EYA1: variants seen among roughly 807,000 people sequenced by gnomAD.
EYA1 encodes EYA transcriptional coactivator and phosphatase 1, also known as protein phosphatase EYA1.
In EYA1, 16 loss-of-function variants were observed where a neutral mutation model predicts 82.0. The observed-to-expected ratio is 0.20, with a 90% CI of 0.13 to 0.30. The LOEUF is 0.30. Ranked by LOEUF, EYA1 falls within the 10% of genes least tolerant of loss-of-function variation. The pLI is 1.00. For missense variants in EYA1, 633 were observed against 730.7 expected, an observed-to-expected ratio of 0.87 and a Z score of 1.54; for synonymous variants, 261 against 264.4, an observed-to-expected ratio of 0.99 and a Z score of 0.12.
chr8:71,466,070 A>G (rs908566530), intron 2 of EYA1, among the ~76,000 whole-genome samples: 8 of 152,306 alleles, frequency 5.3e-5, no homozygotes, highest in African/African-American at 1.9e-4. Flanking sequence ...GCAGGAAAAT[A>G]ATTTTGTTGT....
intron 9 of EYA1, among the ~76,000 whole-genome samples, chr8:71,276,595 T>G (rs1438455910): frequency 6.6e-6 from 1 of 152,196 alleles, no homozygotes; most frequent in Non-Finnish European, 1.5e-5. Flanking sequence ...TTTTTACTCC[T>G]AAAAACTTTT....
At chr8:71,375,359 A>G (rs1363004771) in intron 2 of EYA1, among the ~76,000 whole-genome samples, 1 of 152,166 alleles carries the variant, frequency 6.6e-6, no homozygotes, top group Non-Finnish European at 1.5e-5. Context: ...TGATCCAACA[A>G]AAATCAGGAT....
At chr8:71,210,709 G>A (rs1335942804) in intron 17 of EYA1, among the ~76,000 whole-genome samples, 2 of 152,200 alleles carry the variant, frequency 1.3e-5, no homozygotes, top group Admixed American at 6.5e-5. Context: ...GTCTTCTGGG[G>A]CAGCAGATAG....
intron 2 of EYA1, among the ~76,000 whole-genome samples, chr8:71,387,420 A>G (rs1399200871): frequency 1.3e-5 from 2 of 152,202 alleles, no homozygotes; most frequent in African/African-American, 2.4e-5. Context: ...GACAGATTAT[A>G]TAGAGAGAAA....
At chr8:71,538,040 G>T (rs750976677) in intron 1 of EYA1, among the ~76,000 whole-genome samples, 3 of 152,180 alleles carry the variant, frequency 2.0e-5, no homozygotes, top group Non-Finnish European at 4.4e-5. Context: ...ACAGCGAGCC[G>T]TGGACTTTAT....
chr8:71,369,542 A>G (rs534083781), intron 2 of EYA1, among the ~76,000 whole-genome samples: 2 of 152,226 alleles, frequency 1.3e-5, no homozygotes, highest in Admixed American at 1.3e-4. Flanking sequence ...CCAAATTGGT[A>G]TGTGGATGAA....
intron 4 of EYA1, among the ~76,000 whole-genome samples, chr8:71,323,620 G>A (rs528757814): frequency 5.3e-5 from 8 of 152,316 alleles, no homozygotes; most frequent in East Asian, 1.9e-4. Context: ...CTGGCTGGCC[G>A]CTTGGCAGAG....
At chr8:71,400,536 A>C (rs556881505) in intron 2 of EYA1, among the ~76,000 whole-genome samples, 1 of 141,746 alleles carries the variant, frequency 7.1e-6, no homozygotes, top group East Asian at 2.0e-4. Flanking sequence ...ACATGAAAAA[A>C]GCACAACATC....
intron 1 of EYA1, among the ~76,000 whole-genome samples, chr8:71,537,744 T>C (rs1385719420): frequency 6.6e-6 from 1 of 152,186 alleles, no homozygotes; most frequent in Admixed American, 6.5e-5. Flanking sequence ...GTATATTTGA[T>C]ATTCCAGGAT....
At chr8:71,244,040 T>C (rs1324979031) in intron 12 of EYA1, among the ~76,000 whole-genome samples, 4 of 152,216 alleles carry the variant, frequency 2.6e-5, no homozygotes, top group African/African-American at 9.7e-5. Flanking sequence ...ACCATTGTGA[T>C]TGTCAGTGCC....
Position 71,354,839 on chromosome 8 carries a change from G to T in EYA1, c.67C>A (p.Pro23Thr). ...TTTATATGAGAGTTACCGAGTTTGG[G>T]GCCACTGGGGGATTCACTACTACCA... Reference protein sequence around the residue: ...LSGSSESPSGPKLGNSHINSN... With the variant: ...LSGSSESPSGTKLGNSHINSN... The change falls in exon 3 of 18, where the codon CCC becomes ACC. Residue 23 changes from proline to threonine, a missense_variant. Physicochemically the swap from Pro to Thr is conservative, Grantham distance 38. Transcript: ENST00000340726. The T allele has an allele frequency of 2.5e-6, 4 of 1,613,664 alleles. No individual in the cohort carries two copies. The highest frequency in any genetic ancestry group is 3.4e-6 in the Non-Finnish European group (4 of 1,179,652).
intron 2 of EYA1, among the ~76,000 whole-genome samples, chr8:71,412,006 T>A (rs1361662414): frequency 6.6e-6 from 1 of 151,830 alleles, no homozygotes; most frequent in Non-Finnish European, 1.5e-5. Flanking sequence ...TAGACTGCAT[T>A]AAGAAAATGT....
At chr8:71,411,731 A>C (rs570952745) in intron 2 of EYA1, among the ~76,000 whole-genome samples, 64 of 145,230 alleles carry the variant, frequency 4.4e-4, no homozygotes, top group African/African-American at 1.5e-3. Flanking sequence ...AGGAAACAAC[A>C]GGTGCTGGAG....
intron 17 of EYA1, among the ~76,000 whole-genome samples, chr8:71,205,983 AATTT>A (rs1200708584): frequency 2.6e-5 from 4 of 152,208 alleles, no homozygotes; most frequent in African/African-American, 9.6e-5. Flanking sequence ...GTTTGCTATT[AATTT>A]ATTTAATAAA....
chr8:71,376,102 A>G (rs1390141617), intron 2 of EYA1, among the ~76,000 whole-genome samples: 1 of 152,248 alleles, frequency 6.6e-6, no homozygotes, highest in Non-Finnish European at 1.5e-5. Context: ...TGTACGAAGC[A>G]GTGAGTGCTA....
intron 2 of EYA1, among the ~76,000 whole-genome samples, chr8:71,487,576 G>C (rs1324115091): frequency 6.6e-6 from 1 of 152,034 alleles, no homozygotes; most frequent in African/African-American, 2.4e-5. Flanking sequence ...AAGATCTTTT[G>C]TCCACCTAAA....
chr8:71,382,700 G>C (rs760086366), intron 2 of EYA1, among the ~76,000 whole-genome samples: 4 of 151,990 alleles, frequency 2.6e-5, no homozygotes, highest in Non-Finnish European at 5.9e-5. Context: ...ATTATATTAT[G>C]TATCTCTGTG....
chr8:71,446,800 T>A (rs993623815), intron 2 of EYA1, among the ~76,000 whole-genome samples: 3 of 152,210 alleles, frequency 2.0e-5, no homozygotes. Context: ...ACTGCAGTTA[T>A]GATTGATCTT....
chr8:71,358,408 A>C (rs1434907761), intron 1 of EYA1, among the ~76,000 whole-genome samples: 1 of 152,200 alleles, frequency 6.6e-6, no homozygotes, highest in Non-Finnish European at 1.5e-5. Context: ...ACATTTCATT[A>C]AGTATACTTC....
Sources: allele counts gnomAD v4.1 joint callset (sites outside exome capture counted in the v4.1 genomes callset), GRCh38; gene constraint gnomAD v4.1.1; transcripts MANE v1.5; gene names NCBI Gene and HGNC (gene_info 2026-07-23, HGNC 2026-07-21).